Variants in DGAT2 observed in about 807,000 individuals in gnomAD.
The protein encoded by DGAT2 is diacylglycerol O-acyltransferase 2, also known as acyl-CoA retinol O-fatty-acyltransferase.
In DGAT2, 33 loss-of-function variants were observed where a neutral mutation model predicts 48.4. That is an observed-to-expected ratio of 0.68 (90% CI 0.52 to 0.91). DGAT2 has a LOEUF of 0.91. DGAT2 is among the 40% of genes least tolerant of loss of function. The pLI is 0.00. For synonymous variants in DGAT2, 191 were observed against 194.1 expected, an observed-to-expected ratio of 0.98 and a Z score of 0.13; for missense variants, 446 against 493.7, an observed-to-expected ratio of 0.90 and a Z score of 0.92.
At position 75,796,251 on chromosome 11, in the gene DGAT2, A is replaced by G. The variant is rs192137582; in HGVS notation, c.430-77A>G. 471 of 1,304,074 alleles carry G rather than the reference A, an allele frequency of 3.6e-4. 3 individuals are homozygous for G. In the African/African-American group the frequency reaches 6.0e-3, roughly 17 times the overall value. The allele number at this position is 1,304,074 out of a possible 1,614,324, so 80.8% of individuals were successfully genotyped here. ...AGGTCCAGGGGAAATGACACATCCA[A>G]TCCCTCCCTACCCTCCGGGTATGCC... On this transcript the variant is annotated intron_variant, in intron 4 of 7. Transcript: ENST00000228027.
chr11:75,797,233 T>A lies in DGAT2; in HGVS notation c.710T>A (p.Val237Glu). Residue 237 changes from valine (V) to glutamate (E), a missense_variant, in exon 6 of 8, where the codon GTG (valine) becomes GAG (glutamate). Coordinates refer to ENST00000228027, the MANE Select transcript of DGAT2 (RefSeq NM_032564.5). ...GGGAGTGGCAATGCTATCATCATCG[T>A]GGTCGGGGGTGCGGCTGAGTCTCTG... ...KNGSGNAIII[V>E]VGGAAESLSS... 1 of 1,582,406 alleles carries A rather than the reference T, an allele frequency of 6.3e-7. No individual in the cohort carries two copies. Among genetic ancestry groups the A allele is most frequent in the Non-Finnish European group, 8.6e-7 (1 of 1,163,684 alleles).
At chr11:75,769,586 C>G (rs1223029863) in intron 1 of DGAT2, among the ~76,000 whole-genome samples, 1 of 152,124 alleles carries the variant, frequency 6.6e-6, no homozygotes, top group African/African-American at 2.4e-5. Context: ...AACTCTTGAG[C>G]CTGGCATGCT....
chr11:75,796,975 C>T (rs1022816710), intron 5 of DGAT2, 183 bp from the exon 6 acceptor site: 6 of 543,968 alleles, frequency 1.1e-5, no homozygotes, highest in African/African-American at 7.7e-5. Flanking sequence ...CTGCATTTTA[C>T]AGATGAGGAA....
chr11:75,789,347 C>T (rs1219926020), intron 2 of DGAT2, among the ~76,000 whole-genome samples: 2 of 152,110 alleles, frequency 1.3e-5, no homozygotes, highest in Non-Finnish European at 2.9e-5. Context: ...GATGGAGTCT[C>T]GCTATGTTGC....
At chr11:75,780,961 T>C (rs904127525) in intron 1 of DGAT2, among the ~76,000 whole-genome samples, 1 of 152,248 alleles carries the variant, frequency 6.6e-6, no homozygotes, top group African/African-American at 2.4e-5. Context: ...GAGCACCTCC[T>C]TGGGGCTGGC....
chr11:75,781,738 G>T (rs1265993001), intron 1 of DGAT2, among the ~76,000 whole-genome samples: 1 of 152,188 alleles, frequency 6.6e-6, no homozygotes, highest in African/African-American at 2.4e-5. Flanking sequence ...CGAACCAGCA[G>T]TGTGGGAAAA....
chr11:75,798,595 G>A (rs1277021523), intron 7 of DGAT2, among the ~76,000 whole-genome samples, 166 bp downstream of exon 7: 1 of 121,676 alleles, frequency 8.2e-6, no homozygotes, highest in Non-Finnish European at 1.8e-5. Flanking sequence ...AGGAGGGGTA[G>A]TAGTAGGAGT....
At chr11:75,773,787 T>G (rs896969288) in intron 1 of DGAT2, 1 of 152,184 alleles carries the variant, frequency 6.6e-6, no homozygotes, top group Non-Finnish European at 1.5e-5. Context: ...TGCAGAGTGA[T>G]CTGAGCAATG....
At chr11:75,773,851 G>A (rs1273470973) in intron 1 of DGAT2, 3 of 152,292 alleles carry the variant, frequency 2.0e-5, no homozygotes, top group Admixed American at 2.0e-4. Flanking sequence ...CCTGAGGTCA[G>A]GGAAGTCTTC....
At chr11:75,771,880 C>G (rs1190888753) in intron 1 of DGAT2, among the ~76,000 whole-genome samples, 1 of 152,138 alleles carries the variant, frequency 6.6e-6, no homozygotes, top group Non-Finnish European at 1.5e-5. Context: ...TGCCCCACCT[C>G]CACCCTCCTG....
In DGAT2 at chr11:75,768,925, G is replaced by T; in HGVS notation, c.-67G>T. The T allele has an allele frequency of 7.3e-7, 1 of 1,369,330 alleles. No homozygotes were observed. The highest frequency in any genetic ancestry group is 9.4e-7 in the Non-Finnish European group (1 of 1,065,378). 84.8% of individuals were successfully genotyped at this position (1,369,330 alleles called of 1,614,324 possible). On this transcript the variant is annotated 5_prime_UTR_variant, in exon 1 of 8. Coordinates refer to ENST00000228027, the MANE Select transcript of DGAT2 (RefSeq NM_032564.5). ...GCGCGAAGCCCTGGCCCCGGGGGCCGGGGCATGGGCCAGGGGCGCGGGGTG... is the reference window on the plus strand; with the variant it reads ...GCGCGAAGCCCTGGCCCCGGGGGCCTGGGCATGGGCCAGGGGCGCGGGGTG...
chr11:75,790,204 C>A lies in DGAT2; in HGVS notation c.267C>A (p.Ala89=). ...GCCCCCCAGGAGTGGCCTGCAGTGC[C>A]ATCCTCATGTACATATTCTGCACTG... is the stretch of plus-strand genomic sequence containing the variant. ...SFLVLGVACS[A]ILMYIFCTDC... The change falls in exon 3 of 8, where the codon GCC becomes GCA. Residue 89 remains alanine (A), a synonymous_variant. Transcript: ENST00000228027. 1 of 1,613,996 alleles carries A rather than the reference C, an allele frequency of 6.2e-7. No homozygotes were observed. The highest frequency in any genetic ancestry group is 8.5e-7 in the Non-Finnish European group (1 of 1,179,954).
chr11:75,778,122 C>T (rs1944819723), intron 1 of DGAT2, among the ~76,000 whole-genome samples: 1 of 152,172 alleles, frequency 6.6e-6, no homozygotes, highest in Non-Finnish European at 1.5e-5. Context: ...CCACCCACCT[C>T]ACCCAGGAAG....
At chr11:75,785,283 T>C (rs1232228617) in intron 2 of DGAT2, among the ~76,000 whole-genome samples, 1 of 152,154 alleles carries the variant, frequency 6.6e-6, no homozygotes, top group Non-Finnish European at 1.5e-5. Flanking sequence ...TTTTGAGGAT[T>C]GAAGATAAGA....
chr11:75,799,605 C>CTTTTTTTTTTTTTTTTTTTTTTTTT (rs1404419285), intron 7 of DGAT2, among the ~76,000 whole-genome samples: 2 of 151,564 alleles, frequency 1.3e-5, no homozygotes, highest in Admixed American at 6.6e-5. Flanking sequence ...CTTAACCACA[C>CTTTTTTTTTTTTTTTTTTTTTTTTT]TTTTTATTTT....
chr11:75,787,393 C>T lies in DGAT2; in HGVS notation c.250+2647C>T, dbSNP rs142890189. 5.5e-4 allele frequency among the ~76,000 whole-genome samples: 84 copies of T among 152,354 alleles called. 1 individual carries two copies. In the East Asian group the frequency reaches 0.016, roughly 29 times the overall value. Reference sequence around the variant, plus strand: ...TCTGTTTGGTCTCAGAGTCCATGCTCTTCACCAGGCCACACTGCTGCCTTC... The same window carrying T: ...TCTGTTTGGTCTCAGAGTCCATGCTTTTCACCAGGCCACACTGCTGCCTTC... On this transcript the variant is annotated intron_variant, in intron 2 of 7. Coordinates refer to ENST00000228027, the MANE Select transcript of DGAT2 (RefSeq NM_032564.5).
chr11:75,796,241 G>C, intron 4 of DGAT2, 87 bp from the exon 5 acceptor site: 1 of 1,166,620 alleles, frequency 8.6e-7, no homozygotes, highest in Non-Finnish European at 1.3e-6. Flanking sequence ...CAGGGGAAAT[G>C]ACACATCCAA....
intron 6 of DGAT2, among the ~76,000 whole-genome samples, chr11:75,797,606 G>A (rs1172794917): frequency 6.6e-6 from 1 of 152,220 alleles, no homozygotes; most frequent in East Asian, 1.9e-4. Context: ...ACCACCTGGG[G>A]CCAGAATATA....
chr11:75,781,857 C>T (rs910726379), intron 1 of DGAT2, among the ~76,000 whole-genome samples: 3 of 152,158 alleles, frequency 2.0e-5, no homozygotes, highest in Non-Finnish European at 4.4e-5. Flanking sequence ...CGTGCGTTTC[C>T]TGCGCTATGA....
Sources: gnomAD v4.1 joint callset for allele counts (sites outside exome capture counted in the v4.1 genomes callset) on GRCh38, gnomAD v4.1.1 for gene constraint, MANE v1.5 for transcripts, NCBI Gene and HGNC (gene_info 2026-07-23, HGNC 2026-07-21) for gene names.